Variants in DPM2 observed in about 807,000 individuals in gnomAD.
DPM2 encodes dolichyl-phosphate mannosyltransferase subunit 2, regulatory.
A neutral mutation model predicts 12.1 loss-of-function variants in DPM2; 8 were observed. That is an observed-to-expected ratio of 0.66 (90% confidence interval 0.39 to 1.19). The LOEUF (loss-of-function observed/expected upper bound fraction) is 1.19. Ranked by LOEUF, DPM2 falls within the 50% of genes most tolerant of loss-of-function variation. DPM2 has a pLI of 0.01. For synonymous variants in DPM2, 38 were observed against 44.7 expected, an observed-to-expected ratio of 0.85 and a Z score of 0.60; for missense variants, 93 against 102.5, an observed-to-expected ratio of 0.91 and a Z score of 0.40.
At position 127,937,700 on chromosome 9, in the gene DPM2, T is replaced by G. The variant is rs958069659; in HGVS notation, c.3+118A>C. On this transcript the variant is annotated intron_variant, in intron 1 of 3. Transcript: ENST00000314392. ...TGCTAGGCCTCCGCGTTGTCGTCCG[T>G]ACAATAGTGGGGGCGGGAGAGCAAT... 4 of 1,404,128 alleles carry G rather than the reference T, an allele frequency of 2.8e-6. No homozygotes were observed. In the African/African-American group the frequency reaches 5.6e-5, roughly 20 times the overall value. 87.0% of individuals were successfully genotyped at this position (1,404,128 alleles called of 1,614,324 possible).
At chr9:127,937,607 G>T in intron 1 of DPM2, 84 bp from the exon 2 acceptor site, 1 of 1,306,644 alleles carries the variant, frequency 7.7e-7, no homozygotes, top group Non-Finnish European at 1.1e-6. Flanking sequence ...GCCCGATCAC[G>T]GTCTAAGCTT....
In DPM2 at chr9:127,935,121, G is replaced by C. The variant is rs1387158908; in HGVS notation, c.*601C>G. On this transcript the variant is annotated 3_prime_UTR_variant, in exon 4 of 4. Coordinates refer to ENST00000314392, the MANE Select transcript of DPM2 (RefSeq NM_003863.4). ...ACAAACACACCATCAGTGTTTATTG[G>C]TCAGCTGTCCCAAACGGGCCAGCCC... is the stretch of plus-strand genomic sequence containing the variant. 6.1e-6 allele frequency: 1 copy of C among 163,440 alleles called. No individual in the cohort carries two copies. The highest frequency in any genetic ancestry group is 1.3e-5 in the Non-Finnish European group (1 of 76,004). 10.1% of individuals were successfully genotyped at this position (163,440 alleles called of 1,614,324 possible).
chr9:127,937,805 G>A lies in DPM2; in HGVS notation c.3+13C>T, dbSNP rs755504291. On this transcript the variant is annotated intron_variant, in intron 1 of 3. Coordinates refer to ENST00000314392, the MANE Select transcript of DPM2 (RefSeq NM_003863.4). The stretch of plus-strand genomic sequence containing the variant: ...CAGACGCCCCTATCTCCGGCACACG[G>A]TGCCAATCTCACCATTTCCCCGCGC... 15 of 1,609,838 alleles carry A rather than the reference G, an allele frequency of 9.3e-6. No individual in the cohort carries two copies. Among genetic ancestry groups the A allele is most frequent in the Non-Finnish European group, 1.3e-5 (15 of 1,177,852 alleles).
chr9:127,937,380 C>G (rs1267672329), intron 2 of DPM2, 54 bp downstream of exon 2: 1 of 1,451,154 alleles, frequency 6.9e-7, no homozygotes, highest in Non-Finnish European at 9.6e-7. Context: ...AGTAGTTGCT[C>G]TGGCGGTGCC....
Position 127,935,438 on chromosome 9 carries a change from A to AG in DPM2, c.*283dup. ...GGCAGAACCCAGGGGAAAAGGTGGCAGGGAGTCTGAGAGTGAGGTTGGGAG... is the reference window on the plus strand; with the variant it reads ...GGCAGAACCCAGGGGAAAAGGTGGCAGGGGAGTCTGAGAGTGAGGTTGGGAG... On this transcript the variant is annotated 3_prime_UTR_variant, in exon 4 of 4. Transcript: ENST00000314392. 1 of 516,654 alleles carries AG rather than the reference A, an allele frequency of 1.9e-6. No homozygotes were observed. Among genetic ancestry groups the AG allele is most frequent in the South Asian group, 2.3e-5 (1 of 44,328 alleles). The allele number at this position is 516,654 out of a possible 1,614,324, so 32.0% of individuals were successfully genotyped here. A position where few individuals can be genotyped will look rare whatever the true frequency, so the allele number is the denominator to read the frequency against.
Position 127,935,730 on chromosome 9 carries a change from C to T in DPM2, c.247G>A (p.Ala83Thr). 1.2e-6 allele frequency: 2 copies of T among 1,613,226 alleles called. No individual in the cohort carries two copies. The highest frequency in any genetic ancestry group is 2.2e-5 in the East Asian group (1 of 44,874). Residue 83 changes from alanine (A) to threonine (T), a missense_variant, in exon 4 of 4, where the codon GCT (alanine) becomes ACT (threonine). Physicochemically the swap from Ala to Thr is moderately conservative, Grantham distance 58. Coordinates refer to ENST00000314392, the MANE Select transcript of DPM2 (RefSeq NM_003863.4). ...TCATCCCTGCGGGACCTTCACTGAG[C>T]CTTCTTGGTCACTCTCTTGGTCTTC... ...MLKTKRVTKK[A>T]Q is the part of the protein sequence containing the mutation.
In DPM2 at chr9:127,935,520, C is replaced by A; in HGVS notation, c.*202G>T. 2 of 617,928 alleles carry A rather than the reference C, an allele frequency of 3.2e-6. No individual in the cohort carries two copies. Among genetic ancestry groups the A allele is most frequent in the Non-Finnish European group, 2.9e-6 (1 of 349,122 alleles). The allele number at this position is 617,928 out of a possible 1,614,324, so 38.3% of individuals were successfully genotyped here. ...GAGGTGACCGGAGTCTTCCAGGTATCCCTCCCTCCTAGCTTCTGGAAGTGG... is the reference window on the plus strand; with the variant it reads ...GAGGTGACCGGAGTCTTCCAGGTATACCTCCCTCCTAGCTTCTGGAAGTGG... On this transcript the variant is annotated 3_prime_UTR_variant, in exon 4 of 4. Transcript: ENST00000314392.
At chr9:127,936,525 G>A (rs902340896) in intron 3 of DPM2, 28 bp downstream of exon 3, 46 of 1,602,410 alleles carry the variant, frequency 2.9e-5, no homozygotes, top group Non-Finnish European at 3.8e-5. Flanking sequence ...ACCCTGCCCA[G>A]GGTCAAGGGG....
At position 127,935,761 on chromosome 9, in the gene DPM2, C is replaced by G; in HGVS notation, c.216G>C (p.Val72=). ...TGGTCACTCTCTTGGTCTTCAGCATCACATAGGAGATGAACAGTCCTGGGA... is the reference window on the plus strand; with the variant it reads ...TGGTCACTCTCTTGGTCTTCAGCATGACATAGGAGATGAACAGTCCTGGGA... ...LLFVGLFISY[V]MLKTKRVTKK... Residue 72 remains valine (V), a synonymous_variant, in exon 4 of 4, where the codon GTG becomes GTC. Coordinates refer to ENST00000314392, the MANE Select transcript of DPM2 (RefSeq NM_003863.4). The G allele has an allele frequency of 6.2e-7, 1 of 1,613,222 alleles. No individual in the cohort carries two copies. Among genetic ancestry groups the G allele is most frequent in the Non-Finnish European group, 8.5e-7 (1 of 1,179,216 alleles).
At chr9:127,936,260 G>C in intron 3 of DPM2, 7 of 1,433,222 alleles carry the variant, frequency 4.9e-6, no homozygotes, top group Non-Finnish European at 6.4e-6. Flanking sequence ...AGCCATGAGA[G>C]AGAGAGGTGC....
At position 127,936,609 on chromosome 9, in the gene DPM2, C is replaced by G. The variant is rs748439756; in HGVS notation, c.140G>C (p.Arg47Pro). 6 of 1,532,634 alleles carry G rather than the reference C, an allele frequency of 3.9e-6. No homozygotes were observed. Among genetic ancestry groups the G allele is most frequent in the Middle Eastern group, 1.8e-4 (1 of 5,452 alleles). 94.9% of individuals were successfully genotyped at this position (1,532,634 alleles called of 1,614,324 possible). A position where few individuals can be genotyped will look rare whatever the true frequency, so the allele number is the denominator to read the frequency against. Reference sequence around the variant, plus strand: ...CAGTGGGATGGCGACAGCATAGGCTCGGGGCAGGAAATACTTGTGGATGAC... The same window carrying G: ...CAGTGGGATGGCGACAGCATAGGCTGGGGGCAGGAAATACTTGTGGATGAC... ...QHVIHKYFLP[R>P]AYAVAIPLAA... The change falls in exon 3 of 4, where the codon CGA (arginine) becomes CCA (proline). Residue 47 changes from arginine (R) to proline (P), a missense_variant. Arg to Pro is a moderately radical substitution (Grantham distance 103). Coordinates refer to ENST00000314392, the MANE Select transcript of DPM2 (RefSeq NM_003863.4).
intron 3 of DPM2, chr9:127,936,084 C>T (rs1831499999): frequency 3.4e-6 from 2 of 591,174 alleles, no homozygotes; most frequent in Non-Finnish European, 5.9e-6. Context: ...ACCTACATAC[C>T]TACCCACCTC....
intron 1 of DPM2, 21 bp downstream of exon 1, chr9:127,937,797 G>T (rs941055330): frequency 1.2e-6 from 2 of 1,610,382 alleles, no homozygotes; most frequent in East Asian, 2.2e-5. Flanking sequence ...CCCTATCTCC[G>T]GCACACGGTG....
rs766817693 is a variant in DPM2 at position 127,936,565 on chromosome 9, G to C, written c.184C>G (p.Leu62Val). 1.4e-5 allele frequency: 22 copies of C among 1,584,464 alleles called. No individual in the cohort carries two copies. The highest frequency in any genetic ancestry group is 1.7e-5 in the Non-Finnish European group (20 of 1,161,928). ...GGTGATGACTTACCCACAAACAGGA[G>C]CAGCAGGAGGCCTGCAGCCAGTGGG... Reference protein sequence around the residue: ...AIPLAAGLLLLLFVGLFISYV... With the variant: ...AIPLAAGLLLVLFVGLFISYV... Residue 62 changes from leucine to valine, a missense_variant, in exon 3 of 4, where the codon CTC becomes GTC. Leu to Val is a conservative substitution (Grantham distance 32). Transcript: ENST00000314392.
At chr9:127,937,730 G>C in intron 1 of DPM2, 88 bp downstream of exon 1, 5 of 1,545,402 alleles carry the variant, frequency 3.2e-6, no homozygotes, top group Non-Finnish European at 3.6e-6. Flanking sequence ...AGCAATCCCC[G>C]TTCCAAGTGC....
At chr9:127,936,687 T>C in intron 2 of DPM2, 32 bp from the exon 3 acceptor site, 1 of 1,448,720 alleles carries the variant, frequency 6.9e-7, no homozygotes, top group South Asian at 1.5e-5. Context: ...TGGTGTGTCT[T>C]GCTTGCCTTG....
At chr9:127,935,877 G>A (rs1831496897) in intron 3 of DPM2, 97 bp from the exon 4 acceptor site, 2 of 1,207,726 alleles carry the variant, frequency 1.7e-6, no homozygotes, top group Admixed American at 1.9e-5. Flanking sequence ...ACACAGGGCT[G>A]TGAACCTACC....
Sources: allele counts gnomAD v4.1 joint callset, GRCh38; gene constraint gnomAD v4.1.1; transcripts MANE v1.5; gene names NCBI Gene and HGNC (gene_info 2026-07-23, HGNC 2026-07-21).